Variants in IL1RAPL2 observed in about 807,000 individuals in gnomAD.
The protein encoded by IL1RAPL2 is interleukin 1 receptor accessory protein like 2.
In IL1RAPL2, 3 loss-of-function variants were observed where a neutral mutation model predicts 44.1. That is an observed-to-expected ratio of 0.07 (90% CI 0.03 to 0.18). The LOEUF (loss-of-function observed/expected upper bound fraction) is 0.18. Among genes scored for constraint, IL1RAPL2 ranks in the 10% least tolerant of loss-of-function variants. The pLI, the probability that IL1RAPL2 is intolerant of heterozygous loss-of-function variation, is 1.00. For synonymous variants in IL1RAPL2, 181 were observed against 178.8 expected (o/e 1.01, Z -0.10); for missense variants, 391 against 496.4 (o/e 0.79, Z 2.02).
chrX:104,633,686 T>C (rs917270129), intron 1 of IL1RAPL2, among the ~76,000 whole-genome samples: 2 of 111,713 alleles, frequency 1.8e-5, no homozygotes, highest in Non-Finnish European at 3.8e-5. Flanking sequence ...TCGGTGGTGA[T>C]ATCCCCTTTA....
chrX:105,330,138 G>T (rs1043800342), intron 5 of IL1RAPL2, among the ~76,000 whole-genome samples: 1 of 111,012 alleles, frequency 9.0e-6, no homozygotes, highest in Non-Finnish European at 1.9e-5. Context: ...AATTTACATG[G>T]ACATTAAAGT....
At chrX:105,384,926 AT>A in intron 5 of IL1RAPL2, among the ~76,000 whole-genome samples, 1 of 111,726 alleles carries the variant, frequency 9.0e-6, no homozygotes. Flanking sequence ...GCATACAGAA[AT>A]GCTACTGAAT....
At chrX:105,513,905 C>G (rs2036491689) in intron 6 of IL1RAPL2, among the ~76,000 whole-genome samples, 1 of 111,063 alleles carries the variant, frequency 9.0e-6, no homozygotes, top group Non-Finnish European at 1.9e-5. Context: ...GGTTTTAAGT[C>G]TTACGTTTAA....
chrX:104,987,725 C>T (rs147976156), intron 2 of IL1RAPL2, among the ~76,000 whole-genome samples: 2,211 of 110,767 alleles, frequency 0.02, 70 homozygotes, highest in African/African-American at 0.068. Flanking sequence ...TGCTTGGGGA[C>T]CTAGATGCCC....
chrX:105,096,557 A>C (rs2032605530), intron 2 of IL1RAPL2, among the ~76,000 whole-genome samples: 1 of 112,283 alleles, frequency 8.9e-6, no homozygotes, highest in Non-Finnish European at 1.9e-5. Flanking sequence ...ACATGGATAA[A>C]CCTTGAAAAC....
At chrX:104,802,344 C>CAA (rs11324829) in intron 2 of IL1RAPL2, among the ~76,000 whole-genome samples, 1 of 65,278 alleles carries the variant, frequency 1.5e-5, no homozygotes. Context: ...GACTACATTT[C>CAA]AAAAAAAAAA....
intron 5 of IL1RAPL2, among the ~76,000 whole-genome samples, chrX:105,438,699 A>G (rs2035898496): frequency 9.1e-6 from 1 of 110,469 alleles, no homozygotes; most frequent in African/African-American, 3.3e-5. Flanking sequence ...GAGTGGCAAG[A>G]TTACAGGGTA....
intron 2 of IL1RAPL2, among the ~76,000 whole-genome samples, chrX:105,045,894 T>C (rs765515503): frequency 6.3e-5 from 7 of 111,204 alleles, no homozygotes; most frequent in Non-Finnish European, 1.3e-4. Flanking sequence ...GTACATTTAT[T>C]ACTTAGATTA....
intron 5 of IL1RAPL2, chrX:105,406,719 C>G (rs1460936202): frequency 6.7e-6 from 8 of 1,192,464 alleles, no homozygotes; most frequent in Admixed American, 4.3e-5. Flanking sequence ...TCAAGATGCT[C>G]TGTTCTAATG....
chrX:104,695,297 C>T, intron 2 of IL1RAPL2, among the ~76,000 whole-genome samples: 1 of 111,160 alleles, frequency 9.0e-6, no homozygotes, highest in Non-Finnish European at 1.9e-5. Context: ...TATAATTTCT[C>T]TCTAAAGTCC....
intron 2 of IL1RAPL2, among the ~76,000 whole-genome samples, chrX:105,179,582 A>G (rs1476062426): frequency 1.8e-5 from 2 of 111,921 alleles, no homozygotes; most frequent in East Asian, 5.6e-4. Context: ...GCTTTGGGCA[A>G]TATGTTTATT....
At chrX:105,662,149 C>A (rs189522232) in intron 6 of IL1RAPL2, among the ~76,000 whole-genome samples, 8 of 112,501 alleles carry the variant, frequency 7.1e-5, no homozygotes, top group South Asian at 3.7e-4. Flanking sequence ...CTTCTACACT[C>A]TTCCTACTTT....
chrX:105,351,334 A>T (rs534177856), intron 5 of IL1RAPL2, among the ~76,000 whole-genome samples: 2 of 112,027 alleles, frequency 1.8e-5, no homozygotes, highest in African/African-American at 6.5e-5. Flanking sequence ...ATGCACACAT[A>T]TATTTATTGT....
At chrX:104,971,254 A>G (rs758937937) in intron 2 of IL1RAPL2, among the ~76,000 whole-genome samples, 1 of 111,189 alleles carries the variant, frequency 9.0e-6, no homozygotes, top group Admixed American at 9.5e-5. Context: ...ATGCTGAGAC[A>G]AGAGAATTGC....
At chrX:104,585,336 T>TTATATAATA (rs1928521020) in intron 1 of IL1RAPL2, among the ~76,000 whole-genome samples, 1 of 17,650 alleles carries the variant, frequency 5.7e-5, no homozygotes, top group South Asian at 1.7e-3. Flanking sequence ...ATAATATATA[T>TTATATAATA]TATATATTAT....
At chrX:104,990,781 T>C (rs1408420542) in intron 2 of IL1RAPL2, among the ~76,000 whole-genome samples, 2 of 111,587 alleles carry the variant, frequency 1.8e-5, no homozygotes, top group Non-Finnish European at 3.8e-5. Flanking sequence ...AAGACCTGTG[T>C]TGCAAAATTA....
At chrX:104,952,887 G>A (rs1925623451) in intron 2 of IL1RAPL2, among the ~76,000 whole-genome samples, 1 of 112,184 alleles carries the variant, frequency 8.9e-6, no homozygotes, top group Non-Finnish European at 1.9e-5. Context: ...AGGCTTAGCA[G>A]TGTTCTTCTG....
Position 105,405,811 on chromosome X carries a change from A to G in IL1RAPL2, c.698-78502A>G, listed in dbSNP as rs763910157. ...GCTGTAAGCCAGGTGGTTGCTGTAT[A>G]TGGAACTTTATCTGATTTGCTTTCT... On this transcript the variant is annotated intron_variant, in intron 5 of 10. Coordinates refer to ENST00000372582, the MANE Select transcript of IL1RAPL2 (RefSeq NM_017416.2). 4 of 1,167,433 alleles carry G rather than the reference A, an allele frequency of 3.4e-6. No individual in the cohort carries two copies. In the East Asian group the frequency reaches 1.2e-4, roughly 35 times the overall value.
intron 5 of IL1RAPL2, among the ~76,000 whole-genome samples, chrX:105,278,277 C>T (rs1446809709): frequency 9.0e-6 from 1 of 111,297 alleles, no homozygotes; most frequent in Non-Finnish European, 1.9e-5. Context: ...TCCAATGGCT[C>T]TCGTCCATCA....
Sources: allele counts gnomAD v4.1 joint callset (sites outside exome capture counted in the v4.1 genomes callset), GRCh38; gene constraint gnomAD v4.1.1; transcripts MANE v1.5; gene names NCBI Gene and HGNC (gene_info 2026-07-23, HGNC 2026-07-21).